The following DPYD variants were observed in gnomAD, a reference collection of about 807,000 sequenced individuals.
DPYD encodes the protein dihydropyrimidine dehydrogenase [NADP(+)].
A neutral mutation model predicts 116.2 loss-of-function variants in DPYD; 109 were observed. The observed-to-expected ratio is 0.94, with a 90% confidence interval of 0.80 to 1.10. DPYD has a LOEUF of 1.10. Among genes scored for constraint, DPYD ranks in the 50% least tolerant of loss-of-function variants. The pLI is 0.00. For synonymous variants in DPYD, 440 were observed against 432.0 expected (o/e 1.02, Z -0.23); for missense variants, 1,302 against 1,254.5 (o/e 1.04, Z -0.57).
chr1:97,664,331 T>C (rs1659434741), intron 8 of DPYD, among the ~76,000 whole-genome samples: 1 of 151,786 alleles, frequency 6.6e-6, no homozygotes, highest in Non-Finnish European at 1.5e-5. Context: ...TATATGTGTG[T>C]ATGTGTGTGT....
intron 2 of DPYD, among the ~76,000 whole-genome samples, chr1:97,860,220 A>C (rs1469955087): frequency 6.6e-6 from 1 of 152,058 alleles, no homozygotes; most frequent in East Asian, 1.9e-4. Context: ...ATGCACTCCT[A>C]TAGTCCCAGC....
chr1:97,821,726 G>GTC (rs928621912), intron 3 of DPYD, among the ~76,000 whole-genome samples: 15 of 152,190 alleles, frequency 9.9e-5, no homozygotes, highest in African/African-American at 2.9e-4. Flanking sequence ...TAAGACTGCA[G>GTC]TGAACTTCTC....
At chr1:97,356,954 T>C (rs985561751) in intron 16 of DPYD, among the ~76,000 whole-genome samples, 5 of 152,242 alleles carry the variant, frequency 3.3e-5, no homozygotes, top group Admixed American at 6.5e-5. Context: ...GTTAGTATGA[T>C]GTCCACAGCT....
chr1:97,273,040 A>T (rs993094064), intron 18 of DPYD, among the ~76,000 whole-genome samples: 1 of 152,138 alleles, frequency 6.6e-6, no homozygotes, highest in Admixed American at 6.6e-5. Context: ...AAATAAGGGC[A>T]TTTTACGGGT....
intron 8 of DPYD, among the ~76,000 whole-genome samples, chr1:97,618,270 A>C (rs2100764005): frequency 6.6e-6 from 1 of 150,424 alleles, no homozygotes; most frequent in Admixed American, 6.6e-5. Flanking sequence ...AACAAAAATA[A>C]ATTACTAGAA....
At chr1:97,503,710 C>A (rs1298664737) in intron 13 of DPYD, among the ~76,000 whole-genome samples, 1 of 151,826 alleles carries the variant, frequency 6.6e-6, no homozygotes, top group Non-Finnish European at 1.5e-5. Flanking sequence ...CATGTTTAAT[C>A]ACATCTTGGC....
intron 8 of DPYD, among the ~76,000 whole-genome samples, chr1:97,628,967 CATA>C: frequency 6.6e-6 from 1 of 152,136 alleles, no homozygotes; most frequent in South Asian, 2.1e-4. Flanking sequence ...AACCCAGACT[CATA>C]ATGATGGGGC....
intron 22 of DPYD, among the ~76,000 whole-genome samples, chr1:97,081,721 T>TC (rs112491644): frequency 0.026 from 2,367 of 91,486 alleles, 35 homozygotes; most frequent in African/African-American, 0.048. Flanking sequence ...TCTTTTCTTT[T>TC]TTTTTTTTTT....
intron 3 of DPYD, among the ~76,000 whole-genome samples, chr1:97,806,647 G>C (rs1328422945): frequency 6.6e-6 from 1 of 151,838 alleles, no homozygotes; most frequent in African/African-American, 2.4e-5. Context: ...TTACAATGAT[G>C]AACTAACATT....
chr1:97,330,256 T>C (rs1668919154), intron 16 of DPYD, among the ~76,000 whole-genome samples: 1 of 152,170 alleles, frequency 6.6e-6, no homozygotes, highest in African/African-American at 2.4e-5. Flanking sequence ...ATTGAAAAGA[T>C]GATAAGTTCA....
At chr1:97,858,779 A>AAATCTTTGCTACTGTCAAAACAATTTT (rs1391502501) in intron 2 of DPYD, among the ~76,000 whole-genome samples, 10 of 152,164 alleles carry the variant, frequency 6.6e-5, no homozygotes, top group African/African-American at 2.2e-4. Flanking sequence ...AAGTATTATC[A>AAATCTTTGCTACTGTCAAAACAATTTT]AATCTTTGCT....
chr1:97,128,753 T>C (rs968640306), intron 20 of DPYD, among the ~76,000 whole-genome samples: 1 of 152,330 alleles, frequency 6.6e-6, no homozygotes, highest in South Asian at 2.1e-4. Flanking sequence ...TCTGGAATTG[T>C]GCTATGCTAA....
At chr1:97,766,649 T>G (rs1411713536) in intron 3 of DPYD, among the ~76,000 whole-genome samples, 1 of 152,088 alleles carries the variant, frequency 6.6e-6, no homozygotes, top group Non-Finnish European at 1.5e-5. Flanking sequence ...CTAGAAATCT[T>G]AAAGAGTGGT....
intron 1 of DPYD, among the ~76,000 whole-genome samples, chr1:97,914,338 T>C (rs1193208565): frequency 2.0e-5 from 3 of 152,172 alleles, no homozygotes; most frequent in Non-Finnish European, 2.9e-5. Flanking sequence ...AAAAAATTGT[T>C]TTTGAAGCTA....
At chr1:97,386,976 A>T (rs1672383010) in intron 14 of DPYD, among the ~76,000 whole-genome samples, 1 of 152,066 alleles carries the variant, frequency 6.6e-6, no homozygotes, top group African/African-American at 2.4e-5. Flanking sequence ...CCTAAGAAAA[A>T]AAACCAGAAT....
At chr1:97,346,713 CT>C (rs1440411522) in intron 16 of DPYD, among the ~76,000 whole-genome samples, 1 of 151,768 alleles carries the variant, frequency 6.6e-6, no homozygotes, top group African/African-American at 2.4e-5. Flanking sequence ...AATTTTCTCA[CT>C]GGTTTGTAAT....
intron 14 of DPYD, among the ~76,000 whole-genome samples, chr1:97,388,565 T>C (rs1408979265): frequency 6.6e-6 from 1 of 152,060 alleles, no homozygotes; most frequent in Non-Finnish European, 1.5e-5. Flanking sequence ...AAAGTCTGTG[T>C]CAAAGAGTAG....
intron 2 of DPYD, among the ~76,000 whole-genome samples, chr1:97,842,299 T>C (rs950150664): frequency 6.6e-6 from 1 of 151,972 alleles, no homozygotes; most frequent in African/African-American, 2.4e-5. Context: ...TAATTAAATA[T>C]TGGCTACAAT....
At chr1:97,400,819 T>A (rs1199769655) in intron 14 of DPYD, among the ~76,000 whole-genome samples, 1 of 152,172 alleles carries the variant, frequency 6.6e-6, no homozygotes, top group African/African-American at 2.4e-5. Flanking sequence ...TTGTATTGTG[T>A]CTATTTGATT....
Sources: gnomAD v4.1 joint callset for allele counts (sites outside exome capture counted in the v4.1 genomes callset) on GRCh38, gnomAD v4.1.1 for gene constraint, MANE v1.5 for transcripts, NCBI Gene and HGNC (gene_info 2026-07-23, HGNC 2026-07-21) for gene names.